NDST1: variants seen among roughly 807,000 people sequenced by gnomAD.
The protein encoded by NDST1 is N-deacetylase and N-sulfotransferase 1.
NDST1 carries 35 observed loss-of-function variants against 92.8 expected under a neutral mutation model. That is an observed-to-expected ratio of 0.38 (90% CI 0.29 to 0.50). The LOEUF is 0.50. Ranked by LOEUF, NDST1 falls within the 20% of genes least tolerant of loss-of-function variation. The pLI, the probability that NDST1 is intolerant of heterozygous loss-of-function variation, is 0.94. For synonymous variants in NDST1, 493 were observed against 500.3 expected (o/e 0.99, Z 0.19); for missense variants, 822 against 1,182.7 (o/e 0.69, Z 4.47).
intron 7 of NDST1, 129 bp downstream of exon 7, chr5:150,539,485 C>T: frequency 6.3e-7 from 1 of 1,590,238 alleles, no homozygotes; most frequent in Non-Finnish European, 8.5e-7. Flanking sequence ...AGTTGGGAGA[C>T]CCACTCTCCA....
chr5:150,520,084 G>C (rs904226105), intron 1 of NDST1, among the ~76,000 whole-genome samples: 12 of 152,106 alleles, frequency 7.9e-5, no homozygotes, highest in African/African-American at 2.9e-4. Context: ...TACGTACCCC[G>C]AGGATGAGAG....
At chr5:150,552,883 G>A (rs1316861982) in intron 14 of NDST1, among the ~76,000 whole-genome samples, 1 of 152,142 alleles carries the variant, frequency 6.6e-6, no homozygotes, top group African/African-American at 2.4e-5. Context: ...TTTCGCTTTT[G>A]TCACCCAGGC....
upstream of NDST1, among the ~76,000 whole-genome samples, chr5:150,505,632 C>T (rs1162807766): frequency 6.6e-6 from 1 of 152,098 alleles, no homozygotes; most frequent in Non-Finnish European, 1.5e-5. Context: ...GACAGGTTAT[C>T]GATGGCAGGA....
rs540237731 is a variant in NDST1, at chr5:150,519,685, CAAAA to C, written c.-387-1175_-387-1172del. 3.8e-3 allele frequency among the ~76,000 whole-genome samples: 542 copies of C among 143,624 alleles called. 1 individual carries two copies. Among genetic ancestry groups the C allele is most frequent in the African/African-American group, 0.013 (498 of 39,152 alleles). The allele number at this position is 143,624 out of a possible 152,430, so 94.2% of individuals were successfully genotyped here. ...GGGCAACAAGAGTGAAACTCCGCCT[CAAAA>C]AAAAAAAGTAAGAAGAAAAGAAAGT... is the stretch of plus-strand genomic sequence containing the variant. On this transcript the variant is annotated intron_variant, in intron 1 of 14. Coordinates refer to ENST00000261797, the MANE Select transcript of NDST1 (RefSeq NM_001543.5).
Position 150,535,867 on chromosome 5 carries a change from C to T in NDST1, c.1419C>T (p.Phe473=). The part of the protein sequence containing the change: ...HLKPARYRRG[F]IHNGIMVLPR... Reference sequence around the variant, plus strand: ...AGCCAGCCCGCTACCGCCGTGGCTTCATCCACAATGGCATCATGGTGAGTG... The same window carrying T: ...AGCCAGCCCGCTACCGCCGTGGCTTTATCCACAATGGCATCATGGTGAGTG... Residue 473 remains phenylalanine (F), a synonymous_variant, in exon 6 of 15, where the codon TTC becomes TTT. Coordinates refer to ENST00000261797, the MANE Select transcript of NDST1 (RefSeq NM_001543.5). 6.2e-7 allele frequency: 1 copy of T among 1,613,740 alleles called. No individual in the cohort carries two copies. Among genetic ancestry groups the T allele is most frequent in the Non-Finnish European group, 8.5e-7 (1 of 1,179,850 alleles).
At position 150,542,959 on chromosome 5, in the gene NDST1, A is replaced by G. The variant is rs1236749778; in HGVS notation, c.1958A>G (p.Lys653Arg). 6.2e-7 allele frequency: 1 copy of G among 1,613,658 alleles called. No homozygotes were observed. Among genetic ancestry groups the G allele is most frequent in the Admixed American group, 1.7e-5 (1 of 59,998 alleles). ...TTTTTTAATGGCCACAACTATCACA[A>G]AGGCATCGACTGGTGAGTTGGCCTT... The part of the protein sequence containing the change: ...IQFFNGHNYH[K>R]GIDWYMEFFP... The change falls in exon 10 of 15, where the codon AAA becomes AGA. Residue 653 changes from lysine (K) to arginine (R), a missense_variant. Lys to Arg is a conservative substitution (Grantham distance 26, BLOSUM62 2). Coordinates refer to ENST00000261797, the MANE Select transcript of NDST1 (RefSeq NM_001543.5).
At chr5:150,516,715 G>C (rs553120696) in intron 1 of NDST1, among the ~76,000 whole-genome samples, 11 of 152,236 alleles carry the variant, frequency 7.2e-5, no homozygotes, top group Middle Eastern at 6.8e-3. Flanking sequence ...GCCCAGGCTG[G>C]AGTACGGTGA....
intron 2 of NDST1, among the ~76,000 whole-genome samples, chr5:150,524,012 A>G (rs1316006071): frequency 2.0e-5 from 3 of 152,158 alleles, no homozygotes; most frequent in Admixed American, 1.3e-4. Flanking sequence ...GGGCTTGCCA[A>G]GTGGGGATTG....
In NDST1 at chr5:150,554,894, G is replaced by T. The variant is rs762562124; in HGVS notation, c.*1562G>T. 3 of 152,818 alleles carry T rather than the reference G, an allele frequency of 2.0e-5. No homozygotes were observed. 9.5% of individuals were successfully genotyped at this position (152,818 alleles called of 1,614,324 possible). The stretch of plus-strand genomic sequence containing the variant: ...AATGTGAAGTGACTGAGGCTGGGGT[G>T]CCTCTCCCTGGCCCCCTCCAACTGC... On this transcript the variant is annotated 3_prime_UTR_variant, in exon 15 of 15. Coordinates refer to ENST00000261797, the MANE Select transcript of NDST1 (RefSeq NM_001543.5).
intron 1 of NDST1, among the ~76,000 whole-genome samples, chr5:150,512,341 GGCCCTGGGCACCTTCCCCCATTCAC>G (rs1354417312): frequency 2.0e-5 from 3 of 152,170 alleles, no homozygotes; most frequent in African/African-American, 7.2e-5. Context: ...GAGCATTCAA[GGCCCTGGGCACCTTCCCCCATTCAC>G]TGCAGCCATG....
chr5:150,542,514 A>T (rs976420907), intron 9 of NDST1, among the ~76,000 whole-genome samples: 2 of 152,216 alleles, frequency 1.3e-5, no homozygotes, highest in East Asian at 1.9e-4. Flanking sequence ...CTCTTCTGGG[A>T]TGCTGAGGGG....
In NDST1 at chr5:150,553,146, T is replaced by A; in HGVS notation, c.2530-67T>A. On this transcript the variant is annotated intron_variant, in intron 14 of 14. Coordinates refer to ENST00000261797, the MANE Select transcript of NDST1 (RefSeq NM_001543.5). The surrounding 1 kb of genome is among the most constrained non-coding windows in gnomAD (Gnocchi z 4.2). ...ATGAGCCACCGTGCCCGGCCGAGCA[T>A]GGCGATTTTTAGAGGAGGTCACTCT... 6.4e-7 allele frequency: 1 copy of A among 1,570,770 alleles called. No individual in the cohort carries two copies.
intron 1 of NDST1, among the ~76,000 whole-genome samples, chr5:150,501,418 C>T (rs1007244262): frequency 4.6e-5 from 7 of 152,156 alleles, no homozygotes; most frequent in African/African-American, 1.2e-4. Flanking sequence ...GAAAAGGCAC[C>T]GGACAGGGAC....
At chr5:150,514,556 G>C (rs1273775855) in intron 1 of NDST1, among the ~76,000 whole-genome samples, 6 of 121,574 alleles carry the variant, frequency 4.9e-5, no homozygotes, top group Middle Eastern at 5.8e-3. Flanking sequence ...GTGAGACTCC[G>C]TCTCAAAAAA....
intron 1 of NDST1, chr5:150,518,658 G>A (rs2151265743): frequency 6.6e-6 from 1 of 152,124 alleles, no homozygotes; most frequent in East Asian, 1.9e-4. Flanking sequence ...CGTACAAACT[G>A]TTTTATAAAT....
intron 11 of NDST1, among the ~76,000 whole-genome samples, chr5:150,547,938 C>T (rs955460787): frequency 6.6e-6 from 1 of 152,180 alleles, no homozygotes; most frequent in African/African-American, 2.4e-5. Context: ...CCCACCCCAG[C>T]CTCCCAAAAT....
chr5:150,527,665 G>T (rs144975223), intron 2 of NDST1, 139 bp from the exon 3 acceptor site: 10 of 1,212,590 alleles, frequency 8.2e-6, no homozygotes, highest in Non-Finnish European at 1.0e-5. Context: ...AGGGTGGAGC[G>T]CAGGGCCAGG....
chr5:150,535,665 C>G, intron 5 of NDST1, 35 bp from the exon 6 acceptor site: 1 of 1,613,144 alleles, frequency 6.2e-7, no homozygotes, highest in Non-Finnish European at 8.5e-7. Context: ...GGAAGGACCC[C>G]TATGCTCACC....
chr5:150,547,226 G>C (rs577960980), intron 11 of NDST1, among the ~76,000 whole-genome samples: 1 of 152,340 alleles, frequency 6.6e-6, no homozygotes, highest in South Asian at 2.1e-4. Flanking sequence ...ATGATCAAGA[G>C]GGGTAAGGGA....
Sources: allele counts gnomAD v4.1 joint callset (sites outside exome capture counted in the v4.1 genomes callset), GRCh38; gene constraint gnomAD v4.1.1; non-coding constraint Gnocchi (gnomAD v3.1); transcripts MANE v1.5; gene names NCBI Gene and HGNC (gene_info 2026-07-23, HGNC 2026-07-21).